Variants in ZFPM2 observed in about 807,000 individuals in gnomAD.
ZFPM2 encodes the protein zinc finger protein, FOG family member 2.
ZFPM2 carries 20 observed loss-of-function variants against 98.6 expected under a neutral mutation model. That is an observed-to-expected ratio of 0.20 (90% CI 0.14 to 0.29). The LOEUF (loss-of-function observed/expected upper bound fraction) is 0.29. Ranked by LOEUF, ZFPM2 falls within the 10% of genes least tolerant of loss-of-function variation. ZFPM2 has a pLI of 1.00. For missense variants in ZFPM2, 1,310 were observed against 1,388.6 expected, an observed-to-expected ratio of 0.94 and a Z score of 0.90; for synonymous variants, 518 against 502.7, an observed-to-expected ratio of 1.03 and a Z score of -0.41.
intron 3 of ZFPM2, among the ~76,000 whole-genome samples, chr8:105,526,829 G>A (rs1002650869): frequency 7.2e-5 from 11 of 152,124 alleles, no homozygotes; most frequent in African/African-American, 2.4e-4. Flanking sequence ...TAAAATGTTT[G>A]TAAATTCATA....
intron 1 of ZFPM2, among the ~76,000 whole-genome samples, chr8:105,326,350 G>A (rs1187471545): frequency 6.6e-6 from 1 of 151,496 alleles, no homozygotes; most frequent in Non-Finnish European, 1.5e-5. Flanking sequence ...AAGTTATGCC[G>A]GAGAGTAAAA....
At chr8:105,725,544 A>G (rs906958153) in intron 5 of ZFPM2, among the ~76,000 whole-genome samples, 1 of 151,756 alleles carries the variant, frequency 6.6e-6, no homozygotes, top group African/African-American at 2.4e-5. Flanking sequence ...AAATGAGGGT[A>G]CTACTCATAA....
intron 3 of ZFPM2, among the ~76,000 whole-genome samples, chr8:105,558,022 T>C (rs1815039438): frequency 6.6e-6 from 1 of 152,102 alleles, no homozygotes; most frequent in African/African-American, 2.4e-5. Context: ...AGGAAAGATA[T>C]AACTTATTTG....
intron 1 of ZFPM2, among the ~76,000 whole-genome samples, chr8:105,378,643 T>G (rs1810779449): frequency 6.6e-6 from 1 of 152,202 alleles, no homozygotes; most frequent in East Asian, 1.9e-4. Flanking sequence ...TATGTATATT[T>G]CTTTTAATAA....
chr8:105,448,993 C>T (rs1371390913), intron 3 of ZFPM2, among the ~76,000 whole-genome samples: 3 of 151,942 alleles, frequency 2.0e-5, no homozygotes, highest in Non-Finnish European at 4.4e-5. Context: ...TTTATGTACT[C>T]GTATTTAGAA....
At chr8:105,596,964 A>T (rs537879133) in intron 4 of ZFPM2, among the ~76,000 whole-genome samples, 1 of 151,924 alleles carries the variant, frequency 6.6e-6, no homozygotes, top group East Asian at 1.9e-4. Flanking sequence ...TGTTTTTTGT[A>T]AAGTAGAATT....
chr8:105,637,978 G>A (rs902061137), intron 5 of ZFPM2, among the ~76,000 whole-genome samples: 1 of 151,760 alleles, frequency 6.6e-6, no homozygotes, highest in Non-Finnish European at 1.5e-5. Context: ...TGTGTTTTGG[G>A]GTAGATGGGT....
intron 1 of ZFPM2, among the ~76,000 whole-genome samples, chr8:105,374,991 G>A (rs1320660710): frequency 2.0e-5 from 3 of 151,996 alleles, no homozygotes; most frequent in Non-Finnish European, 4.4e-5. Flanking sequence ...AAGCTGTCAA[G>A]TCCTAACTTG....
chr8:105,433,074 GGCAA>G (rs1812051138), intron 2 of ZFPM2, among the ~76,000 whole-genome samples: 1 of 152,012 alleles, frequency 6.6e-6, no homozygotes, highest in African/African-American at 2.4e-5. Context: ...CTCCAGCTTT[GGCAA>G]GACTCTGACT....
chr8:105,578,912 T>C (rs994668373), intron 4 of ZFPM2, among the ~76,000 whole-genome samples: 13 of 152,152 alleles, frequency 8.5e-5, no homozygotes, highest in South Asian at 2.1e-4. Context: ...CCATTGATAT[T>C]TACAATGCTC....
intron 5 of ZFPM2, chr8:105,784,883 C>A (rs1261847708): frequency 6.9e-6 from 1 of 145,842 alleles, no homozygotes; most frequent in Non-Finnish European, 1.5e-5. Flanking sequence ...ATAAATGACT[C>A]CCTCAAGTTG....
At chr8:105,342,693 A>G (rs1812451768) in intron 1 of ZFPM2, among the ~76,000 whole-genome samples, 1 of 152,034 alleles carries the variant, frequency 6.6e-6, no homozygotes, top group Admixed American at 6.6e-5. Flanking sequence ...AGCAAAAGAG[A>G]AAATATAAGA....
intron 3 of ZFPM2, among the ~76,000 whole-genome samples, chr8:105,558,829 T>C (rs563484026): frequency 6.6e-6 from 1 of 152,268 alleles, no homozygotes; most frequent in African/African-American, 2.4e-5. Context: ...GAAAAGAAGA[T>C]TTTTTAACTT....
chr8:105,490,928 A>G (rs193186131), intron 3 of ZFPM2, among the ~76,000 whole-genome samples: 4 of 152,320 alleles, frequency 2.6e-5, no homozygotes, highest in Admixed American at 2.6e-4. Flanking sequence ...TATGTACTCA[A>G]AATTTTACTA....
chr8:105,561,519 C>A (rs369282194), intron 4 of ZFPM2, 38 bp downstream of exon 4: 14 of 1,469,678 alleles, frequency 9.5e-6, no homozygotes, highest in Non-Finnish European at 1.3e-5. Context: ...ATTTTGTCAT[C>A]GACTGTTAGT....
At chr8:105,321,769 A>C (rs1240748605) in intron 1 of ZFPM2, among the ~76,000 whole-genome samples, 1 of 152,274 alleles carries the variant, frequency 6.6e-6, no homozygotes, top group Non-Finnish European at 1.5e-5. Context: ...AGATAAGAGG[A>C]GATAATGGGA....
intron 4 of ZFPM2, among the ~76,000 whole-genome samples, chr8:105,610,069 A>G (rs2130797903): frequency 6.6e-6 from 1 of 152,204 alleles, no homozygotes; most frequent in South Asian, 2.1e-4. Flanking sequence ...GAATTTCTTG[A>G]GGGGGAAAAA....
chr8:105,377,816 T>C (rs943717510), intron 1 of ZFPM2, among the ~76,000 whole-genome samples: 3 of 151,978 alleles, frequency 2.0e-5, no homozygotes, highest in Admixed American at 6.6e-5. Context: ...ACTGAATGAA[T>C]AGATATTTGG....
At chr8:105,368,794 C>T (rs538833495) in intron 1 of ZFPM2, among the ~76,000 whole-genome samples, 1 of 152,100 alleles carries the variant, frequency 6.6e-6, no homozygotes, top group Non-Finnish European at 1.5e-5. Flanking sequence ...GTTGTGTTGG[C>T]ACAGCCCATC....
Sources: allele counts gnomAD v4.1 joint callset (sites outside exome capture counted in the v4.1 genomes callset), GRCh38; gene constraint gnomAD v4.1.1; transcripts MANE v1.5; gene names NCBI Gene and HGNC (gene_info 2026-07-23, HGNC 2026-07-21).